EXT1: variants seen among roughly 807,000 people sequenced by gnomAD.
EXT1 encodes exostosin glycosyltransferase 1, also known as exostosin-1.
A neutral mutation model predicts 82.5 loss-of-function variants in EXT1; 20 were observed. The observed-to-expected ratio is 0.24, with a 90% confidence interval of 0.17 to 0.35. The LOEUF (loss-of-function observed/expected upper bound fraction) is 0.35. Ranked by LOEUF, EXT1 falls within the 10% of genes least tolerant of loss-of-function variation. EXT1 has a pLI of 1.00. For missense variants in EXT1, 757 were observed against 936.5 expected, an observed-to-expected ratio of 0.81 and a Z score of 2.50; for synonymous variants, 348 against 350.8, an observed-to-expected ratio of 0.99 and a Z score of 0.09.
In EXT1 at chr8:118,076,499, T is replaced by C. The variant is rs537468583; in HGVS notation, c.962+33586A>G. Among the ~76,000 whole-genome samples the C allele has an allele frequency of 1.9e-4, 29 of 152,360 alleles. No individual in the cohort carries two copies. The South Asian group carries it at 5.4e-3, about 28-fold the overall frequency. ...GCAGTAATTATTCCTTTCAGGAATA[T>C]GTCTGTCTCAGCCCCTCTCCCCGTA... On this transcript the variant is annotated intron_variant, in intron 1 of 10. Coordinates refer to ENST00000378204, the MANE Select transcript of EXT1 (RefSeq NM_000127.3).
intron 3 of EXT1, among the ~76,000 whole-genome samples, chr8:117,832,427 G>A (rs967446546): frequency 6.6e-6 from 1 of 152,038 alleles, no homozygotes; most frequent in Non-Finnish European, 1.5e-5. Flanking sequence ...GGAAGGCTGA[G>A]GCAGAAGAAT....
intron 1 of EXT1, among the ~76,000 whole-genome samples, chr8:118,068,517 T>C (rs1286850301): frequency 3.3e-5 from 5 of 152,126 alleles, no homozygotes; most frequent in African/African-American, 4.8e-5. Flanking sequence ...GTGTGTGTTG[T>C]TCCCCTCCCT....
intron 1 of EXT1, among the ~76,000 whole-genome samples, chr8:117,917,318 A>G (rs998029118): frequency 1.3e-5 from 2 of 152,098 alleles, no homozygotes; most frequent in Admixed American, 6.6e-5. Context: ...TACCAAAAAT[A>G]GCCAGGCGTA....
At chr8:118,087,229 T>C (rs1194030764) in intron 1 of EXT1, among the ~76,000 whole-genome samples, 1 of 152,176 alleles carries the variant, frequency 6.6e-6, no homozygotes, top group Non-Finnish European at 1.5e-5. Flanking sequence ...TCTGAATTTT[T>C]TTTCCTGAGA....
chr8:117,905,823 C>CA (rs1813533944), intron 1 of EXT1, among the ~76,000 whole-genome samples: 1 of 152,068 alleles, frequency 6.6e-6, no homozygotes, highest in Admixed American at 6.6e-5. Flanking sequence ...AAAAACAAAA[C>CA]AAAAAACACT....
At position 118,110,181 on chromosome 8, in the gene EXT1, C is replaced by G; in HGVS notation, c.866G>C (p.Gly289Ala). ...GGTGGTGAGGAGCACAACGTCCTCCCCGTTATGGACGTGATATAAGGCATT... is the reference window on the plus strand; with the variant it reads ...GGTGGTGAGGAGCACAACGTCCTCCGCGTTATGGACGTGATATAAGGCATT... Reference protein sequence around the residue: ...TRNALYHVHNGEDVVLLTTCK... With the variant: ...TRNALYHVHNAEDVVLLTTCK... The change falls in exon 1 of 11, where the codon GGG (glycine) becomes GCG (alanine). Residue 289 changes from glycine (G) to alanine (A), a missense_variant. This residue lies in a region of EXT1 where 247 missense variants were observed against 330.1 expected (regional missense o/e 0.75). Transcript: ENST00000378204. The G allele has an allele frequency of 6.2e-7, 1 of 1,614,144 alleles. No individual in the cohort carries two copies. The highest frequency in any genetic ancestry group is 8.5e-7 in the Non-Finnish European group (1 of 1,180,024).
intron 1 of EXT1, among the ~76,000 whole-genome samples, chr8:117,976,496 C>T (rs760557363): frequency 3.9e-5 from 6 of 152,152 alleles, no homozygotes; most frequent in Non-Finnish European, 8.8e-5. Flanking sequence ...GACATAATGG[C>T]AAGTTACAGA....
chr8:117,844,146 T>TTATTATTATTATTA (rs2129810468), intron 1 of EXT1, among the ~76,000 whole-genome samples: 1 of 147,874 alleles, frequency 6.8e-6, no homozygotes, highest in Non-Finnish European at 1.5e-5. Flanking sequence ...ACTATTATTA[T>TTATTATTATTATTA]TATTATTATT....
chr8:117,943,819 A>T (rs1814333722), intron 1 of EXT1, among the ~76,000 whole-genome samples: 1 of 152,148 alleles, frequency 6.6e-6, no homozygotes, highest in South Asian at 2.1e-4. Context: ...CACCTCCTTT[A>T]ACAGTGTGCT....
intron 1 of EXT1, among the ~76,000 whole-genome samples, chr8:117,990,940 A>G (rs1815418988): frequency 6.6e-6 from 1 of 152,168 alleles, no homozygotes; most frequent in Non-Finnish European, 1.5e-5. Flanking sequence ...CTATGCAGCC[A>G]GGTACTAGAC....
chr8:118,047,915 C>T (rs1221456811), intron 1 of EXT1, among the ~76,000 whole-genome samples: 1 of 151,870 alleles, frequency 6.6e-6, no homozygotes, highest in Non-Finnish European at 1.5e-5. Context: ...TGGTGATGCA[C>T]ACCTGTAATC....
chr8:118,007,304 A>C (rs1815800125), intron 1 of EXT1, among the ~76,000 whole-genome samples: 1 of 152,106 alleles, frequency 6.6e-6, no homozygotes, highest in South Asian at 2.1e-4. Context: ...CTCAAAAAAA[A>C]AACAAAAAAA....
At chr8:117,921,387 C>T (rs1813851693) in intron 1 of EXT1, among the ~76,000 whole-genome samples, 1 of 152,182 alleles carries the variant, frequency 6.6e-6, no homozygotes. Flanking sequence ...AGACAGAAAA[C>T]AGCAACCAGC....
chr8:117,935,061 A>T (rs1239996063), intron 1 of EXT1, among the ~76,000 whole-genome samples: 2 of 151,958 alleles, frequency 1.3e-5, no homozygotes, highest in Non-Finnish European at 2.9e-5. Context: ...TACTTACTAA[A>T]CTCTCTTGGC....
chr8:117,954,852 T>A lies in EXT1; in HGVS notation c.963-117651A>T, dbSNP rs533710056. On this transcript the variant is annotated intron_variant, in intron 1 of 10. Transcript: ENST00000378204. ...TGGAAACCTACTTGATATCTAATGA[T>A]TGAATTCAATTCTGACAGTAATTAC... Among the ~76,000 whole-genome samples the A allele has an allele frequency of 2.0e-5, 3 of 152,306 alleles. No individual in the cohort carries two copies. In the East Asian group the frequency reaches 5.8e-4, roughly 29 times the overall value.
chr8:118,016,904 C>T (rs1014805400), intron 1 of EXT1, among the ~76,000 whole-genome samples: 9 of 152,172 alleles, frequency 5.9e-5, no homozygotes, highest in African/African-American at 2.2e-4. Context: ...TGGTGACATT[C>T]GATTTCTTGA....
intron 1 of EXT1, among the ~76,000 whole-genome samples, chr8:117,924,561 G>A (rs988162616): frequency 1.3e-5 from 2 of 152,166 alleles, no homozygotes; most frequent in African/African-American, 4.8e-5. Flanking sequence ...ACCTCACATT[G>A]TTCTCCTTGG....
chr8:117,900,286 C>T (rs968312574), intron 1 of EXT1, among the ~76,000 whole-genome samples: 4 of 152,160 alleles, frequency 2.6e-5, no homozygotes, highest in African/African-American at 4.8e-5. Context: ...ACTGTTTCTC[C>T]CCAAAGGCAT....
intron 1 of EXT1, among the ~76,000 whole-genome samples, chr8:117,885,936 C>T (rs954537649): frequency 3.2e-4 from 49 of 152,130 alleles, no homozygotes; most frequent in African/African-American, 1.2e-3. Context: ...GCAGGAGATC[C>T]TAGAGTATGG....
Sources: gnomAD v4.1 joint callset for allele counts (sites outside exome capture counted in the v4.1 genomes callset) on GRCh38, gnomAD v4.1.1 for gene constraint, gnomAD v4.1.1 regional missense constraint, MANE v1.5 for transcripts, NCBI Gene and HGNC (gene_info 2026-07-23, HGNC 2026-07-21) for gene names.